Variants in USP32 observed in about 807,000 individuals in gnomAD.
The protein encoded by USP32 is ubiquitin specific peptidase 32.
A neutral mutation model predicts 204.8 loss-of-function variants in USP32; 59 were observed. The ratio of observed to expected loss-of-function variants is 0.29; its 90% CI spans 0.23 to 0.36. The LOEUF (loss-of-function observed/expected upper bound fraction) is 0.36. Among genes scored for constraint, USP32 ranks in the 10% least tolerant of loss-of-function variants. USP32 has a pLI of 1.00. For synonymous variants in USP32, 517 were observed against 678.4 expected (o/e 0.76, Z 3.70); for missense variants, 1,160 against 1,946.4 (o/e 0.60, Z 7.60).
intron 2 of USP32, among the ~76,000 whole-genome samples, chr17:60,316,527 GTGTTGT>G (rs2087982524): frequency 6.6e-6 from 1 of 152,108 alleles, no homozygotes; most frequent in Non-Finnish European, 1.5e-5. Context: ...TCTCTCTTCT[GTGTTGT>G]TCCTGTAACT....
chr17:60,421,766 C>A, intron 1 of USP32: 2 of 893,484 alleles, frequency 2.2e-6, no homozygotes, highest in Non-Finnish European at 2.7e-6. Context: ...CGCCCTCGGC[C>A]TCGGGTCCCT....
chr17:60,208,412 A>T (rs1285962438), intron 23 of USP32, among the ~76,000 whole-genome samples: 4 of 152,184 alleles, frequency 2.6e-5, no homozygotes, highest in African/African-American at 9.6e-5. Context: ...TTCATCTGAC[A>T]TAAAAGTATC....
chr17:60,307,683 A>C (rs1181931684), intron 2 of USP32, among the ~76,000 whole-genome samples: 1 of 152,134 alleles, frequency 6.6e-6, no homozygotes, highest in Non-Finnish European at 1.5e-5. Context: ...AGAGAAAGGC[A>C]GGTGCCTGGC....
chr17:60,402,508 A>T (rs141274536), intron 1 of USP32, among the ~76,000 whole-genome samples: 2 of 152,258 alleles, frequency 1.3e-5, no homozygotes, highest in African/African-American at 4.8e-5. Flanking sequence ...TTGGCCTCCC[A>T]AAGTGCTGGG....
At chr17:60,246,209 T>A (rs1312250985) in intron 11 of USP32, among the ~76,000 whole-genome samples, 2 of 152,076 alleles carry the variant, frequency 1.3e-5, no homozygotes, top group Admixed American at 1.3e-4. Context: ...ATAACCATCA[T>A]AATACTCTCT....
chr17:60,232,978 T>C (rs1010611118), intron 12 of USP32, among the ~76,000 whole-genome samples: 4 of 152,220 alleles, frequency 2.6e-5, no homozygotes, highest in Non-Finnish European at 4.4e-5. Flanking sequence ...CATTTAATTC[T>C]CACATCCCTA....
intron 2 of USP32, among the ~76,000 whole-genome samples, chr17:60,312,841 C>T (rs1164763281): frequency 1.3e-5 from 2 of 152,020 alleles, no homozygotes; most frequent in South Asian, 2.1e-4. Flanking sequence ...TGGTGAGCTT[C>T]GAAGAATAAC....
chr17:60,227,885 T>C (rs910557122), intron 12 of USP32, among the ~76,000 whole-genome samples: 2 of 152,168 alleles, frequency 1.3e-5, no homozygotes, highest in Non-Finnish European at 2.9e-5. Context: ...CATAATTATT[T>C]ATGTAAGTTA....
chr17:60,348,326 A>G (rs2088839259), intron 1 of USP32, among the ~76,000 whole-genome samples: 1 of 152,186 alleles, frequency 6.6e-6, no homozygotes, highest in Non-Finnish European at 1.5e-5. Context: ...AGAAGAAGCC[A>G]GTGTTTCCAA....
chr17:60,361,833 T>C (rs1170552044), intron 1 of USP32, among the ~76,000 whole-genome samples: 1 of 152,112 alleles, frequency 6.6e-6, no homozygotes, highest in African/African-American at 2.4e-5. Flanking sequence ...TAATTCAAAG[T>C]AGAAAACAGT....
At chr17:60,275,652 C>T (rs970018562) in intron 5 of USP32, among the ~76,000 whole-genome samples, 6 of 152,100 alleles carry the variant, frequency 3.9e-5, no homozygotes, top group African/African-American at 1.4e-4. Context: ...CAAAGTAACT[C>T]TTAAGTTACC....
chr17:60,219,359 T>C (rs2085181769), intron 16 of USP32, among the ~76,000 whole-genome samples: 1 of 152,060 alleles, frequency 6.6e-6, no homozygotes. Context: ...GTAAAATCTA[T>C]TTCTATTTAT....
intron 2 of USP32, among the ~76,000 whole-genome samples, chr17:60,311,834 CA>C (rs146822514): frequency 1.3e-4 from 20 of 149,426 alleles, no homozygotes; most frequent in African/African-American, 4.9e-4. Flanking sequence ...TCAAACAAAA[CA>C]AAAAAAAACG....
chr17:60,241,141 G>A (rs2085866233), intron 11 of USP32, among the ~76,000 whole-genome samples: 1 of 152,154 alleles, frequency 6.6e-6, no homozygotes, highest in Non-Finnish European at 1.5e-5. Flanking sequence ...GGAACTACAG[G>A]TGTGCGCCAC....
rs2145406936 is a variant in USP32, at chr17:60,191,152, A to T, written c.3522-469T>A. 1.3e-5 allele frequency among the ~76,000 whole-genome samples: 2 copies of T among 152,258 alleles called. 1 individual carries two copies. The highest frequency in any genetic ancestry group is 3.9e-4 in the East Asian group (2 of 5,160). ...CATGGTGGCTCATGCCTGTAATCCC[A>T]GCACTTTGGGAGGCCGAGGTGGGTG... On this transcript the variant is annotated intron_variant, in intron 28 of 33. Coordinates refer to ENST00000300896, the MANE Select transcript of USP32 (RefSeq NM_032582.4).
chr17:60,413,018 A>G (rs1269266412), intron 1 of USP32, among the ~76,000 whole-genome samples: 2 of 152,204 alleles, frequency 1.3e-5, no homozygotes, highest in Non-Finnish European at 2.9e-5. Flanking sequence ...TTTAGAGCAC[A>G]TGAAGCCCAA....
intron 21 of USP32, among the ~76,000 whole-genome samples, chr17:60,209,934 T>C (rs1043937845): frequency 9.9e-5 from 15 of 151,986 alleles, no homozygotes; most frequent in Admixed American, 3.9e-4. Context: ...TATAGGTACA[T>C]AGTATATACA....
intron 1 of USP32, among the ~76,000 whole-genome samples, chr17:60,351,289 G>C (rs759519638): frequency 6.6e-6 from 1 of 152,134 alleles, no homozygotes; most frequent in South Asian, 2.1e-4. Context: ...AGCAACTCCC[G>C]GGCTCAAGTG....
intron 11 of USP32, among the ~76,000 whole-genome samples, chr17:60,243,606 G>T (rs755014007): frequency 2.0e-5 from 3 of 152,148 alleles, no homozygotes. Flanking sequence ...ATAATTGTAA[G>T]GTGTCACAAA....
Sources: gnomAD v4.1 joint callset for allele counts (sites outside exome capture counted in the v4.1 genomes callset) on GRCh38, gnomAD v4.1.1 for gene constraint, MANE v1.5 for transcripts, NCBI Gene and HGNC (gene_info 2026-07-23, HGNC 2026-07-21) for gene names.